The following PIP4K2A variants were observed in gnomAD, a reference collection of about 807,000 sequenced individuals.
The protein encoded by PIP4K2A is phosphatidylinositol 5-phosphate 4-kinase type-2 alpha.
A neutral mutation model predicts 42.9 loss-of-function variants in PIP4K2A; 14 were observed. That is an observed-to-expected ratio of 0.33 (90% CI 0.22 to 0.51). The LOEUF (loss-of-function observed/expected upper bound fraction) is 0.51. Ranked by LOEUF, PIP4K2A falls within the 20% of genes least tolerant of loss-of-function variation. The pLI, the probability that PIP4K2A is intolerant of heterozygous loss-of-function variation, is 0.97. For missense variants in PIP4K2A, 434 were observed against 519.8 expected, an observed-to-expected ratio of 0.83 and a Z score of 1.61; for synonymous variants, 192 against 192.2, an observed-to-expected ratio of 1.00 and a Z score of 0.01.
Position 22,541,969 on chromosome 10 carries a change from C to T in PIP4K2A, c.871G>A (p.Val291Met), listed in dbSNP as rs199987181. 3 of 1,614,168 alleles carry T rather than the reference C, an allele frequency of 1.9e-6. No individual in the cohort carries two copies. The highest frequency in any genetic ancestry group is 2.2e-5 in the South Asian group (2 of 91,086). ...TCCCCATCGTTCTCCTCACACTCCACTTCCTCCTGTTCGGCTCTCTCCACA... is the reference window on the plus strand; with the variant it reads ...TCCCCATCGTTCTCCTCACACTCCATTTCCTCCTGTTCGGCTCTCTCCACA... ...HDVERAEQEE[V>M]ECEENDGEEE... Residue 291 changes from valine (V) to methionine (M), a missense_variant, in exon 8 of 10, where the codon GTG becomes ATG. By Grantham distance (21) the Val-to-Met change is conservative (BLOSUM62 1). This residue lies in a region of PIP4K2A where 395 missense variants were observed against 444.5 expected (regional missense o/e 0.89). Transcript: ENST00000376573.
chr10:22,639,290 C>G (rs564835379), intron 1 of PIP4K2A, among the ~76,000 whole-genome samples: 25 of 151,548 alleles, frequency 1.6e-4, no homozygotes, highest in Non-Finnish European at 2.8e-4. Flanking sequence ...CCAAAAAGTG[C>G]TCAGAGAAAC....
intron 3 of PIP4K2A, among the ~76,000 whole-genome samples, chr10:22,600,448 C>T (rs1421763136): frequency 6.6e-6 from 1 of 152,088 alleles, no homozygotes; most frequent in African/African-American, 2.4e-5. Flanking sequence ...TGTCCCTCTC[C>T]TCATGTTATG....
rs557431321 is a variant in PIP4K2A, at chr10:22,585,729, C to T, written c.492+5900G>A. ...GATTCTCATGCCTTAGCCTCCTGAG[C>T]AGCTGGGACTACAGGCATACACCCC... On this transcript the variant is annotated intron_variant, in intron 4 of 9. Coordinates refer to ENST00000376573, the MANE Select transcript of PIP4K2A (RefSeq NM_005028.5). Among the ~76,000 whole-genome samples, 21 of 151,930 alleles carry T rather than the reference C, an allele frequency of 1.4e-4. No individual in the cohort carries two copies. In the East Asian group the frequency reaches 4.1e-3, roughly 29 times the overall value.
chr10:22,701,569 A>G (rs1833716116), intron 1 of PIP4K2A, among the ~76,000 whole-genome samples: 1 of 152,192 alleles, frequency 6.6e-6, no homozygotes, highest in African/African-American at 2.4e-5. Flanking sequence ...CATCCCTGGA[A>G]GGCTGCAGAA....
At chr10:22,637,223 C>G (rs1838685568) in intron 1 of PIP4K2A, among the ~76,000 whole-genome samples, 2 of 152,138 alleles carry the variant, frequency 1.3e-5, no homozygotes, top group African/African-American at 4.8e-5. Context: ...AGGTTGGTCT[C>G]TCTGGAACTA....
chr10:22,654,026 G>A (rs543343735), intron 1 of PIP4K2A, among the ~76,000 whole-genome samples: 2 of 152,170 alleles, frequency 1.3e-5, no homozygotes, highest in South Asian at 4.1e-4. Context: ...GTTTTTTGGT[G>A]AGTGCAGCAG....
intron 1 of PIP4K2A, among the ~76,000 whole-genome samples, chr10:22,641,165 T>C (rs1228040880): frequency 6.6e-6 from 1 of 152,076 alleles, no homozygotes; most frequent in Non-Finnish European, 1.5e-5. Flanking sequence ...ACTCGGAGGG[T>C]ACTCTGGAGA....
chr10:22,574,267 C>CA (rs1329219047), intron 4 of PIP4K2A, among the ~76,000 whole-genome samples: 1 of 152,054 alleles, frequency 6.6e-6, no homozygotes, highest in Non-Finnish European at 1.5e-5. Context: ...AGTAATATTT[C>CA]AAAAAAGCTC....
chr10:22,705,421 C>T (rs1833799727), intron 1 of PIP4K2A, among the ~76,000 whole-genome samples: 1 of 104,486 alleles, frequency 9.6e-6, no homozygotes, highest in Non-Finnish European at 1.8e-5. Flanking sequence ...ATTCAGTACC[C>T]CAGTTAAAAA....
At chr10:22,657,553 A>C (rs1027061162) in intron 1 of PIP4K2A, among the ~76,000 whole-genome samples, 8 of 152,242 alleles carry the variant, frequency 5.3e-5, no homozygotes, top group Admixed American at 2.6e-4. Flanking sequence ...TTCCAAAGCA[A>C]AGACAGACGC....
At chr10:22,552,003 G>A (rs551374762) in intron 6 of PIP4K2A, among the ~76,000 whole-genome samples, 26 of 152,202 alleles carry the variant, frequency 1.7e-4, no homozygotes, top group African/African-American at 5.8e-4. Context: ...TAAATTAGTC[G>A]CTTTGGCTAC....
At chr10:22,678,490 T>C (rs118156194) in intron 1 of PIP4K2A, among the ~76,000 whole-genome samples, 3,026 of 152,178 alleles carry the variant, frequency 0.02, 48 homozygotes, top group Non-Finnish European at 0.03. Context: ...AAAGTCTGTT[T>C]TACTTCCTTG....
At chr10:22,555,172 T>G (rs1018173341) in intron 6 of PIP4K2A, among the ~76,000 whole-genome samples, 6 of 152,210 alleles carry the variant, frequency 3.9e-5, no homozygotes, top group Non-Finnish European at 8.8e-5. Context: ...TGGCTCAGCT[T>G]TCCACGTAGG....
At chr10:22,538,431 T>A (rs1835995671) in intron 9 of PIP4K2A, among the ~76,000 whole-genome samples, 2 of 151,284 alleles carry the variant, frequency 1.3e-5, no homozygotes, top group Non-Finnish European at 3.0e-5. Flanking sequence ...GGAACAGACA[T>A]TTACAAAGCA....
Position 22,621,688 on chromosome 10 carries a change from T to G in PIP4K2A, c.145-11971A>C, listed in dbSNP as rs1750757. ...GAAAAAGTAAGCAGTGAGTGACAGC[T>G]GTGCATTCAGAAAATCAATCACTGA... On this transcript the variant is annotated intron_variant, in intron 1 of 9. Coordinates refer to ENST00000376573, the MANE Select transcript of PIP4K2A (RefSeq NM_005028.5). 7.8e-4 allele frequency among the ~76,000 whole-genome samples: 119 copies of G among 152,136 alleles called. No individual in the cohort carries two copies. In the East Asian group the frequency reaches 0.02, roughly 26 times the overall value.
At chr10:22,559,293 T>G (rs1179403472) in intron 6 of PIP4K2A, among the ~76,000 whole-genome samples, 1 of 152,206 alleles carries the variant, frequency 6.6e-6, no homozygotes, top group African/African-American at 2.4e-5. Flanking sequence ...CCCAACTTTT[T>G]CTAGAACCAA....
intron 1 of PIP4K2A, among the ~76,000 whole-genome samples, chr10:22,633,471 T>C (rs980397401): frequency 6.6e-6 from 1 of 152,022 alleles, no homozygotes; most frequent in Non-Finnish European, 1.5e-5. Flanking sequence ...TGGAAAAAAA[T>C]CCCAACTTTG....
chr10:22,566,350 A>G (rs556372309), intron 6 of PIP4K2A, among the ~76,000 whole-genome samples: 3 of 152,110 alleles, frequency 2.0e-5, no homozygotes, highest in African/African-American at 7.2e-5. Flanking sequence ...AGGTTCCCCG[A>G]TAACTGACAT....
intron 1 of PIP4K2A, among the ~76,000 whole-genome samples, chr10:22,657,096 T>A (rs1259151982): frequency 6.6e-6 from 1 of 152,224 alleles, no homozygotes; most frequent in African/African-American, 2.4e-5. Context: ...TTTATTTTGC[T>A]TTATATCTGC....
Sources: gnomAD v4.1 joint callset for allele counts (sites outside exome capture counted in the v4.1 genomes callset) on GRCh38, gnomAD v4.1.1 for gene constraint, gnomAD v4.1.1 regional missense constraint, MANE v1.5 for transcripts, NCBI Gene and HGNC (gene_info 2026-07-23, HGNC 2026-07-21) for gene names.